CABLES1: variants seen among roughly 807,000 people sequenced by gnomAD.
The protein encoded by CABLES1 is Cdk5 and Abl enzyme substrate 1, also known as CDK5 and ABL1 enzyme substrate 1.
A neutral mutation model predicts 57.8 loss-of-function variants in CABLES1; 36 were observed. The ratio of observed to expected loss-of-function variants is 0.62; its 90% confidence interval spans 0.48 to 0.82. The LOEUF (loss-of-function observed/expected upper bound fraction) is 0.82. Among genes scored for constraint, CABLES1 ranks in the 40% least tolerant of loss-of-function variants. The probability of loss-of-function intolerance (pLI) is 0.00; values close to 1 mark genes in which losing one functional copy is unlikely to be tolerated. For synonymous variants in CABLES1, 374 were observed against 363.0 expected (o/e 1.03, Z -0.35); for missense variants, 767 against 836.6 (o/e 0.92, Z 1.03).
intron 1 of CABLES1, among the ~76,000 whole-genome samples, chr18:23,180,233 T>C (rs920342271): frequency 6.6e-6 from 1 of 152,150 alleles, no homozygotes; most frequent in Non-Finnish European, 1.5e-5. Context: ...CAGTTTGTTT[T>C]TTTTAAGTGA....
chr18:23,223,057 G>T (rs1224374412), intron 4 of CABLES1, among the ~76,000 whole-genome samples: 8 of 152,180 alleles, frequency 5.3e-5, no homozygotes, highest in African/African-American at 1.7e-4. Flanking sequence ...CACCCTGAAT[G>T]TTAAGCCCAA....
At chr18:23,220,283 A>G (rs1464430171) in intron 4 of CABLES1, among the ~76,000 whole-genome samples, 1 of 152,134 alleles carries the variant, frequency 6.6e-6, no homozygotes, top group Non-Finnish European at 1.5e-5. Context: ...TAATAGAAAC[A>G]TCCTGAATAG....
intron 7 of CABLES1, among the ~76,000 whole-genome samples, chr18:23,241,287 CGAGGTGGGT>C (rs2047729697): frequency 6.6e-6 from 1 of 151,834 alleles, no homozygotes; most frequent in Non-Finnish European, 1.5e-5. Flanking sequence ...TTTGGGAGGC[CGAGGTGGGT>C]AAGGTGGGGG....
chr18:23,166,898 G>A (rs181191354), intron 1 of CABLES1, among the ~76,000 whole-genome samples: 7 of 152,266 alleles, frequency 4.6e-5, no homozygotes, highest in Admixed American at 2.6e-4. Context: ...TCAGAAGTTG[G>A]GGTGTCTTGC....
chr18:23,157,339 C>CCG (rs1555659745), intron 1 of CABLES1, among the ~76,000 whole-genome samples: 3 of 152,006 alleles, frequency 2.0e-5, no homozygotes, highest in African/African-American at 7.2e-5. Context: ...GTAGTAAAGG[C>CCG]GGGGGGGCGG....
intron 1 of CABLES1, among the ~76,000 whole-genome samples, chr18:23,144,116 A>AGCCT (rs1568041418): frequency 1.3e-5 from 2 of 152,204 alleles, no homozygotes; most frequent in Non-Finnish European, 2.9e-5. Context: ...CCACAGAGCC[A>AGCCT]GCCGCTGCTC....
At chr18:23,223,666 G>T (rs1481719951) in intron 4 of CABLES1, among the ~76,000 whole-genome samples, 1 of 151,482 alleles carries the variant, frequency 6.6e-6, no homozygotes, top group African/African-American at 2.4e-5. Flanking sequence ...CCTGTCCCTG[G>T]AGCCCCTCTC....
At chr18:23,218,088 T>C (rs1028791675) in intron 4 of CABLES1, among the ~76,000 whole-genome samples, 1 of 152,226 alleles carries the variant, frequency 6.6e-6, no homozygotes, top group Non-Finnish European at 1.5e-5. Context: ...GGGGCTAATG[T>C]GCAGCTCCAA....
At chr18:23,199,911 A>G (rs544012194) in intron 3 of CABLES1, among the ~76,000 whole-genome samples, 3 of 152,306 alleles carry the variant, frequency 2.0e-5, no homozygotes, top group East Asian at 1.9e-4. Flanking sequence ...TATTAAGACA[A>G]TGGTCAGAAG....
intron 2 of CABLES1, among the ~76,000 whole-genome samples, chr18:23,192,114 A>G (rs2047248475): frequency 6.6e-6 from 1 of 152,064 alleles, no homozygotes; most frequent in Admixed American, 6.5e-5. Context: ...TCTACCTGTA[A>G]CTCCAAGAAC....
At chr18:23,238,451 C>T (rs1210968307) in intron 7 of CABLES1, among the ~76,000 whole-genome samples, 1 of 152,154 alleles carries the variant, frequency 6.6e-6, no homozygotes, top group African/African-American at 2.4e-5. Flanking sequence ...TTGAAATTGC[C>T]GCTTCTCCTC....
chr18:23,252,166 C>T (rs71360514), intron 7 of CABLES1, among the ~76,000 whole-genome samples: 12,385 of 151,468 alleles, frequency 0.082, 662 homozygotes, highest in Middle Eastern at 0.17. Flanking sequence ...TTACATAAGG[C>T]AAATTTATAG....
At chr18:23,253,290 CT>C (rs1272280149) in intron 8 of CABLES1, among the ~76,000 whole-genome samples, 2 of 152,176 alleles carry the variant, frequency 1.3e-5, no homozygotes, top group African/African-American at 4.8e-5. Flanking sequence ...TGAGACCAGC[CT>C]GGCCCACATG....
At chr18:23,171,076 G>A (rs907253562) in intron 1 of CABLES1, among the ~76,000 whole-genome samples, 4 of 152,224 alleles carry the variant, frequency 2.6e-5, no homozygotes, top group African/African-American at 7.2e-5. Context: ...GATTGTAGGC[G>A]TGAGCCACTG....
At position 23,161,752 on chromosome 18, in the gene CABLES1, TCCAA is replaced by T. The variant is rs1453813668; in HGVS notation, c.845+25146_845+25149del. ...GGTGAAACCCCGTCTCTACTAAAAA[TCCAA>T]AAAAAAAAAAAAAAAAAAAGCCAGG... On this transcript the variant is annotated intron_variant, in intron 1 of 9. Coordinates refer to ENST00000256925, the MANE Select transcript of CABLES1 (RefSeq NM_001100619.3). 6.8e-3 allele frequency among the ~76,000 whole-genome samples: 160 copies of T among 23,438 alleles called. 4 individuals are homozygous for T. The highest frequency in any genetic ancestry group is 8.9e-3 in the Non-Finnish European group (88 of 9,842). The allele number at this position is 23,438 out of a possible 152,430, so 15.4% of individuals were successfully genotyped here.
At chr18:23,146,075 A>C (rs1487336362) in intron 1 of CABLES1, among the ~76,000 whole-genome samples, 1 of 152,252 alleles carries the variant, frequency 6.6e-6, no homozygotes, top group Non-Finnish European at 1.5e-5. Flanking sequence ...AAATGCCAAA[A>C]ATGTTTATGT....
At chr18:23,199,008 G>T (rs111678896) in intron 3 of CABLES1, among the ~76,000 whole-genome samples, 8 of 152,292 alleles carry the variant, frequency 5.3e-5, no homozygotes, top group African/African-American at 1.7e-4. Context: ...CTCCATTGAC[G>T]AGAATGTGGG....
chr18:23,135,821 C>G lies in CABLES1; in HGVS notation c.59C>G (p.Thr20Ser). Residue 20 changes from threonine to serine, a missense_variant, in exon 1 of 10, where the codon ACC becomes AGC. Transcript: ENST00000256925. ...GCCTGCAGCAGCGGCAGCGCCGGCACCGACGCCGCGGGCGCCAGCGGATTG... is the reference window on the plus strand; with the variant it reads ...GCCTGCAGCAGCGGCAGCGCCGGCAGCGACGCCGCGGGCGCCAGCGGATTG... ...TAACSSGSAG[T>S]DAAGASGLQQ... 1 of 972,044 alleles carries G rather than the reference C, an allele frequency of 1.0e-6. No individual in the cohort carries two copies. The highest frequency in any genetic ancestry group is 4.6e-5 in the South Asian group (1 of 21,724). The allele number at this position is 972,044 out of a possible 1,614,324, so 60.2% of individuals were successfully genotyped here. A position where few individuals can be genotyped will look rare whatever the true frequency, so the allele number is the denominator to read the frequency against.
chr18:23,146,761 C>CTG (rs10622938), intron 1 of CABLES1, among the ~76,000 whole-genome samples: 123,476 of 151,642 alleles, frequency 0.81, 50,719 homozygotes, highest in African/African-American at 0.9. Context: ...TTGAAAGTCA[C>CTG]TATGTGGTAG....
Sources: gnomAD v4.1 joint callset for allele counts (sites outside exome capture counted in the v4.1 genomes callset) on GRCh38, gnomAD v4.1.1 for gene constraint, MANE v1.5 for transcripts, NCBI Gene and HGNC (gene_info 2026-07-23, HGNC 2026-07-21) for gene names.